Variants in MYO18B observed in about 807,000 individuals in gnomAD.
MYO18B encodes unconventional myosin-XVIIIb.
MYO18B carries 204 observed loss-of-function variants against 273.0 expected under a neutral mutation model. The ratio of observed to expected loss-of-function variants is 0.75; its 90% confidence interval spans 0.67 to 0.84. MYO18B has a LOEUF of 0.84. MYO18B is among the 40% of genes least tolerant of loss of function. The pLI, the probability that MYO18B is intolerant of heterozygous loss-of-function variation, is 0.00. For missense variants in MYO18B, 3,212 were observed against 3,287.6 expected (o/e 0.98, Z 0.56); for synonymous variants, 1,330 against 1,305.7 (o/e 1.02, Z -0.40).
At chr22:25,849,100 C>T (rs2146033069) in intron 20 of MYO18B, among the ~76,000 whole-genome samples, 1 of 152,366 alleles carries the variant, frequency 6.6e-6, no homozygotes, top group East Asian at 1.9e-4. Context: ...TGGCTGGTCC[C>T]CCACACTTAA....
At chr22:25,937,532 C>T (rs1247179835) in intron 34 of MYO18B, among the ~76,000 whole-genome samples, 1 of 151,682 alleles carries the variant, frequency 6.6e-6, no homozygotes, top group Non-Finnish European at 1.5e-5. Context: ...CCCATGGCCA[C>T]TGTCATCAGA....
intron 17 of MYO18B, among the ~76,000 whole-genome samples, chr22:25,835,848 T>C (rs1414602177): frequency 6.6e-6 from 1 of 152,136 alleles, no homozygotes; most frequent in African/African-American, 2.4e-5. Flanking sequence ...CAGGACAAGT[T>C]TGGAGATGGC....
In MYO18B at chr22:25,780,067, C is replaced by T. The variant is rs772949800; in HGVS notation, c.2080C>T (p.Arg694Ter). The T allele has an allele frequency of 8.8e-6, 14 of 1,592,014 alleles. No individual in the cohort carries two copies. Among genetic ancestry groups the T allele is most frequent in the African/African-American group, 1.3e-5 (1 of 74,538 alleles). The stretch of plus-strand genomic sequence containing the variant: ...GCTGCCCCCAACAGTGGAGAAGATC[C>T]GAGCCACCTTCACTGTCCTCCGGGC... Reference protein sequence around the residue: ...VDGRVSVEKIRATFTVLRAFG... With the variant: ...VDGRVSVEKI Residue 694 changes from arginine (R) to a stop codon, truncating the protein, a stop_gained, in exon 9 of 44, where the codon CGA (arginine) becomes TGA (stop). Coordinates refer to ENST00000335473, the MANE Select transcript of MYO18B (RefSeq NM_032608.7). LOFTEE classifies it high-confidence loss of function.
At chr22:25,951,374 G>A (rs946194414) in intron 37 of MYO18B, among the ~76,000 whole-genome samples, 4 of 152,224 alleles carry the variant, frequency 2.6e-5, no homozygotes, top group South Asian at 4.2e-4. Flanking sequence ...AGTTGTGTGC[G>A]AGGTGAATTG....
At chr22:25,968,062 C>G (rs1364369498) in intron 39 of MYO18B, among the ~76,000 whole-genome samples, 2 of 152,192 alleles carry the variant, frequency 1.3e-5, no homozygotes, top group Non-Finnish European at 2.9e-5. Flanking sequence ...CTCAGACAGG[C>G]TTTCCCTTCC....
chr22:25,986,841 A>G (rs1025902693), intron 39 of MYO18B, among the ~76,000 whole-genome samples: 14 of 152,076 alleles, frequency 9.2e-5, no homozygotes, highest in African/African-American at 2.7e-4. Flanking sequence ...GATGCTGGAA[A>G]TATTTGGGTG....
intron 19 of MYO18B, among the ~76,000 whole-genome samples, chr22:25,847,092 TAAAG>T (rs1346567065): frequency 5.1e-5 from 7 of 137,266 alleles, no homozygotes; most frequent in African/African-American, 1.1e-4. Flanking sequence ...AAAAAAAAAA[TAAAG>T]AAAGAAAGAA....
chr22:25,944,375 G>A (rs905533956), intron 34 of MYO18B, among the ~76,000 whole-genome samples: 2 of 152,132 alleles, frequency 1.3e-5, no homozygotes, highest in African/African-American at 4.8e-5. Context: ...AGGGGGTTTT[G>A]TGAGTTGTGA....
intron 43 of MYO18B, chr22:26,028,473 G>A (rs951377319): frequency 6.6e-6 from 1 of 152,138 alleles, no homozygotes; most frequent in Non-Finnish European, 1.5e-5. Flanking sequence ...AGAAACTGAG[G>A]CCCTAGGTTC....
At chr22:25,975,530 G>A (rs917936800) in intron 39 of MYO18B, among the ~76,000 whole-genome samples, 5 of 152,186 alleles carry the variant, frequency 3.3e-5, no homozygotes, top group Non-Finnish European at 5.9e-5. Flanking sequence ...TCAACCTTAT[G>A]AGCAAGGAAA....
chr22:26,049,266 C>T, the MYO18B span, among the ~76,000 whole-genome samples: 1 of 152,058 alleles, frequency 6.6e-6, no homozygotes, highest in African/African-American at 2.4e-5. Context: ...ATCTAGAGAC[C>T]CAAGGAGCAT....
At chr22:25,913,168 G>T (rs1418663510) in intron 33 of MYO18B, among the ~76,000 whole-genome samples, 1 of 152,148 alleles carries the variant, frequency 6.6e-6, no homozygotes, top group Non-Finnish European at 1.5e-5. Flanking sequence ...ATATCGCTCA[G>T]ATTATTCCCC....
At chr22:25,994,609 A>G (rs1334775082) in intron 40 of MYO18B, among the ~76,000 whole-genome samples, 1 of 152,238 alleles carries the variant, frequency 6.6e-6, no homozygotes, top group African/African-American at 2.4e-5. Context: ...GCTAATTGGC[A>G]CAGCTGCCAA....
Position 25,828,447 on chromosome 22 carries a change from G to A in MYO18B, c.2787-329G>A, listed in dbSNP as rs950722820. On this transcript the variant is annotated intron_variant, in intron 14 of 43. Transcript: ENST00000335473. ...TTTTTGATTTTAATAGGCCTCTGAA[G>A]AAAGAAAAGGAGGGCCTAGGCTTCA... is the stretch of plus-strand genomic sequence containing the variant. Among the ~76,000 whole-genome samples, 4 of 151,964 alleles carry A rather than the reference G, an allele frequency of 2.6e-5. No individual in the cohort carries two copies. In the East Asian group the frequency reaches 7.7e-4, roughly 29 times the overall value.
chr22:25,983,928 T>C (rs1369426793), intron 39 of MYO18B, among the ~76,000 whole-genome samples: 1 of 152,176 alleles, frequency 6.6e-6, no homozygotes, highest in Non-Finnish European at 1.5e-5. Flanking sequence ...CTCCTGGCTT[T>C]CCCAAAGCAT....
chr22:25,880,712 C>A (rs779137393), intron 25 of MYO18B, among the ~76,000 whole-genome samples: 1 of 152,154 alleles, frequency 6.6e-6, no homozygotes. Context: ...GTCTCCAGGC[C>A]GATAGAGGGA....
At chr22:25,976,207 T>C (rs558552468) in intron 39 of MYO18B, among the ~76,000 whole-genome samples, 3 of 152,286 alleles carry the variant, frequency 2.0e-5, no homozygotes, top group African/African-American at 4.8e-5. Flanking sequence ...CAAAGAATTA[T>C]CTGCTCCCAG....
intron 22 of MYO18B, among the ~76,000 whole-genome samples, chr22:25,870,042 G>A (rs1260050693): frequency 2.0e-5 from 3 of 152,170 alleles, no homozygotes; most frequent in South Asian, 2.1e-4. Flanking sequence ...TATCAAGTGT[G>A]TTCCTGCTTT....
intron 1 of MYO18B, among the ~76,000 whole-genome samples, chr22:25,755,208 A>G (rs1475772634): frequency 1.3e-5 from 2 of 150,806 alleles, no homozygotes; most frequent in Admixed American, 6.6e-5. Flanking sequence ...ATTAAATTTT[A>G]TTTTATTTTT....
Sources: allele counts gnomAD v4.1 joint callset (sites outside exome capture counted in the v4.1 genomes callset), GRCh38; gene constraint gnomAD v4.1.1; transcripts MANE v1.5; gene names NCBI Gene and HGNC (gene_info 2026-07-23, HGNC 2026-07-21).